The following CREB5 variants were observed in gnomAD, a reference collection of about 807,000 sequenced individuals.
CREB5 encodes cAMP responsive element binding protein 5.
Under a neutral mutation model 57.1 loss-of-function variants are expected in CREB5, and 19 were observed. The observed-to-expected ratio is 0.33, with a 90% confidence interval of 0.23 to 0.49. The LOEUF is 0.49. CREB5 is among the 20% of genes least tolerant of loss of function. The probability of loss-of-function intolerance (pLI) is 0.99; values close to 1 mark genes in which losing one functional copy is unlikely to be tolerated. For synonymous variants in CREB5, 238 were observed against 238.3 expected, an observed-to-expected ratio of 1.00 and a Z score of 0.01; for missense variants, 579 against 671.6, an observed-to-expected ratio of 0.86 and a Z score of 1.52.
intron 1 of CREB5, among the ~76,000 whole-genome samples, chr7:28,362,209 C>T (rs577970384): frequency 6.6e-6 from 1 of 152,114 alleles, no homozygotes; most frequent in Non-Finnish European, 1.5e-5. Flanking sequence ...AGAATGGAAA[C>T]TTACATTTTG....
chr7:28,439,298 A>C (rs534160080), intron 1 of CREB5, among the ~76,000 whole-genome samples: 2 of 152,078 alleles, frequency 1.3e-5, no homozygotes, highest in Non-Finnish European at 2.9e-5. Context: ...GCATTATATA[A>C]CTATCATCTG....
intron 7 of CREB5, among the ~76,000 whole-genome samples, chr7:28,786,124 C>T (rs1807309978): frequency 1.3e-5 from 2 of 152,166 alleles, no homozygotes; most frequent in Non-Finnish European, 2.9e-5. Context: ...GCCCATTTTA[C>T]AGGCCTTTCT....
chr7:28,305,380 C>G (rs1194094798), intron 1 of CREB5, among the ~76,000 whole-genome samples: 1 of 152,180 alleles, frequency 6.6e-6, no homozygotes, highest in African/African-American at 2.4e-5. Flanking sequence ...CAGTCCACTA[C>G]TGGACATGCC....
chr7:28,359,278 T>G, intron 1 of CREB5, among the ~76,000 whole-genome samples: 1 of 151,658 alleles, frequency 6.6e-6, no homozygotes, highest in Non-Finnish European at 1.5e-5. Context: ...TGAGATATGT[T>G]AAGCAAATCA....
chr7:28,340,699 A>G (rs772079706), intron 1 of CREB5, among the ~76,000 whole-genome samples: 12 of 152,226 alleles, frequency 7.9e-5, no homozygotes, highest in Non-Finnish European at 1.8e-4. Context: ...GCACAGCACC[A>G]GGACTTGCCT....
intron 5 of CREB5, among the ~76,000 whole-genome samples, chr7:28,709,070 A>T (rs939023794): frequency 6.6e-6 from 1 of 152,212 alleles, no homozygotes; most frequent in Non-Finnish European, 1.5e-5. Context: ...AGTCAGATGT[A>T]CAGCACTTAT....
chr7:28,783,435 A>G (rs1327454639), intron 7 of CREB5, among the ~76,000 whole-genome samples: 1 of 152,234 alleles, frequency 6.6e-6, no homozygotes, highest in Non-Finnish European at 1.5e-5. Flanking sequence ...CCAGAATTTG[A>G]CTTCCTTCAC....
At chr7:28,719,850 A>G (rs1029301062) in intron 6 of CREB5, among the ~76,000 whole-genome samples, 3 of 152,122 alleles carry the variant, frequency 2.0e-5, no homozygotes, top group Non-Finnish European at 2.9e-5. Context: ...TCATGAGGTC[A>G]AGAGATCGAG....
At chr7:28,611,713 T>TAAAA (rs1009230400) in intron 5 of CREB5, among the ~76,000 whole-genome samples, 9 of 139,368 alleles carry the variant, frequency 6.5e-5, no homozygotes, top group South Asian at 2.2e-4. Flanking sequence ...AATAAATAAA[T>TAAAA]AAAATATATA....
At chr7:28,521,813 G>A (rs1367653558) in intron 4 of CREB5, among the ~76,000 whole-genome samples, 1 of 152,124 alleles carries the variant, frequency 6.6e-6, no homozygotes, top group Admixed American at 6.5e-5. Context: ...GAATGTGTTA[G>A]GAAAGGATAT....
At chr7:28,615,558 T>C (rs887223942) in intron 5 of CREB5, 3 of 152,346 alleles carry the variant, frequency 2.0e-5, no homozygotes, top group Non-Finnish European at 2.9e-5. Flanking sequence ...CTATGCAGTC[T>C]CTGAGTGTAA....
At chr7:28,334,095 A>C (rs1291404246) in intron 1 of CREB5, among the ~76,000 whole-genome samples, 1 of 152,130 alleles carries the variant, frequency 6.6e-6, no homozygotes, top group Non-Finnish European at 1.5e-5. Flanking sequence ...CTGGGGTGAG[A>C]ACATATCTCA....
intron 7 of CREB5, among the ~76,000 whole-genome samples, chr7:28,758,323 G>A (rs571959667): frequency 6.6e-6 from 1 of 152,350 alleles, no homozygotes; most frequent in Non-Finnish European, 1.5e-5. Context: ...CAGCGGCTTG[G>A]CCGTGGTTTG....
intron 5 of CREB5, among the ~76,000 whole-genome samples, chr7:28,625,807 C>T (rs1797978668): frequency 1.3e-5 from 2 of 152,184 alleles, no homozygotes; most frequent in African/African-American, 4.8e-5. Context: ...CACAGGTCTT[C>T]CTTATTGGCC....
At chr7:28,304,708 G>A (rs1785154686) in intron 1 of CREB5, among the ~76,000 whole-genome samples, 1 of 152,120 alleles carries the variant, frequency 6.6e-6, no homozygotes, top group Non-Finnish European at 1.5e-5. Flanking sequence ...TTATAGTACA[G>A]TATACACACA....
At chr7:28,809,445 C>T in intron 9 of CREB5, 31 bp downstream of exon 9, 1 of 1,559,222 alleles carries the variant, frequency 6.4e-7, no homozygotes, top group Non-Finnish European at 8.7e-7. Flanking sequence ...CCCCGCGACT[C>T]AAAGGCCCTC....
chr7:28,693,260 T>C (rs1208607140), intron 5 of CREB5, among the ~76,000 whole-genome samples: 1 of 152,248 alleles, frequency 6.6e-6, no homozygotes, highest in Non-Finnish European at 1.5e-5. Flanking sequence ...TATTAATGCA[T>C]AGATTTGATT....
chr7:28,472,549 G>A (rs140911180), intron 1 of CREB5, among the ~76,000 whole-genome samples: 66 of 152,254 alleles, frequency 4.3e-4, no homozygotes, highest in South Asian at 3.9e-3. Flanking sequence ...ACCCCTCACC[G>A]CTAGGACAAC....
At chr7:28,681,257 C>T (rs1800576686) in intron 5 of CREB5, among the ~76,000 whole-genome samples, 1 of 152,170 alleles carries the variant, frequency 6.6e-6, no homozygotes, top group African/African-American at 2.4e-5. Context: ...ATAATACAAA[C>T]AGGAAAAAGA....
Sources: gnomAD v4.1 joint callset for allele counts (sites outside exome capture counted in the v4.1 genomes callset) on GRCh38, gnomAD v4.1.1 for gene constraint, MANE v1.5 for transcripts, NCBI Gene and HGNC (gene_info 2026-07-23, HGNC 2026-07-21) for gene names.